The following THEM4 variants were observed in gnomAD, a reference collection of about 807,000 sequenced individuals.
THEM4 encodes the protein acyl-coenzyme A thioesterase THEM4.
THEM4 carries 22 observed loss-of-function variants against 25.0 expected under a neutral mutation model. The ratio of observed to expected loss-of-function variants is 0.88; its 90% confidence interval spans 0.63 to 1.26. The LOEUF is 1.26. Among genes scored for constraint, THEM4 ranks in the 50% most tolerant of loss-of-function variants. The pLI, the probability that THEM4 is intolerant of heterozygous loss-of-function variation, is 0.00. For missense variants in THEM4, 286 were observed against 300.3 expected, an observed-to-expected ratio of 0.95 and a Z score of 0.35; for synonymous variants, 113 against 105.6, an observed-to-expected ratio of 1.07 and a Z score of -0.43.
intron 2 of THEM4, chr1:151,891,256 G>A (rs1654085793): frequency 6.6e-6 from 1 of 152,198 alleles, no homozygotes; most frequent in African/African-American, 2.4e-5. Context: ...ACTGAAAATA[G>A]CATTGGAATA....
chr1:151,898,763 T>C (rs575448693), intron 1 of THEM4, among the ~76,000 whole-genome samples: 1 of 152,378 alleles, frequency 6.6e-6, no homozygotes, highest in African/African-American at 2.4e-5. Flanking sequence ...CACAGGACTC[T>C]GTGCAGACAA....
chr1:151,882,959 G>C (rs1653877718), intron 4 of THEM4, among the ~76,000 whole-genome samples: 7 of 151,988 alleles, frequency 4.6e-5, no homozygotes, highest in Admixed American at 4.6e-4. Flanking sequence ...TCACAGTTCT[G>C]CATGGCTGGG....
At chr1:151,880,204 G>T (rs1322772046) in intron 4 of THEM4, among the ~76,000 whole-genome samples, 1 of 151,706 alleles carries the variant, frequency 6.6e-6, no homozygotes. Context: ...AACAGGCTGG[G>T]TGCTGTGTCA....
rs1277762132 is a variant in THEM4 at position 151,909,370 on chromosome 1, C to G, written c.89G>C (p.Arg30Pro). ...GGTGCCCAGACTCACCAGCTCGGGT[C>G]GCGGCTCGCTTCCCGGCAGGCGCCG... ...VGRRLPGSEP[R>P]PELRSFSSEE... is the part of the protein sequence containing the mutation. The change falls in exon 1 of 6, where the codon CGA (arginine) becomes CCA (proline). Residue 30 changes from arginine (R) to proline (P), a missense_variant. Coordinates refer to ENST00000368814, the MANE Select transcript of THEM4 (RefSeq NM_053055.5). 1.3e-6 allele frequency: 2 copies of G among 1,509,558 alleles called. No homozygotes were observed. The highest frequency in any genetic ancestry group is 2.7e-5 in the East Asian group (1 of 36,768). 93.5% of individuals were successfully genotyped at this position (1,509,558 alleles called of 1,614,324 possible).
In THEM4 at chr1:151,874,572, A is replaced by G. The variant is rs1653629781; in HGVS notation, c.*316T>C. 2 of 323,754 alleles carry G rather than the reference A, an allele frequency of 6.2e-6. No homozygotes were observed. The highest frequency in any genetic ancestry group is 1.1e-4 in the East Asian group (2 of 17,886). 20.1% of individuals were successfully genotyped at this position (323,754 alleles called of 1,614,324 possible). A position where few individuals can be genotyped will look rare whatever the true frequency, so the allele number is the denominator to read the frequency against. On this transcript the variant is annotated 3_prime_UTR_variant, in exon 6 of 6. Coordinates refer to ENST00000368814, the MANE Select transcript of THEM4 (RefSeq NM_053055.5). ...TGTATTTTAGTAGAGACGGAGTTTC[A>G]TCGTGTTGCCCAGACTGATCTTGAA...
At chr1:151,898,122 G>T (rs1047351027) in intron 1 of THEM4, among the ~76,000 whole-genome samples, 1 of 152,188 alleles carries the variant, frequency 6.6e-6, no homozygotes, top group Non-Finnish European at 1.5e-5. Flanking sequence ...AACCCGGCTT[G>T]CAGACTTCAC....
rs771536236 is a variant in THEM4, at chr1:151,888,253, G to C, written c.557+20C>G. 3.1e-6 allele frequency: 5 copies of C among 1,588,038 alleles called. 1 individual carries two copies. The highest frequency in any genetic ancestry group is 3.9e-4 in the Middle Eastern group (2 of 5,172). The stretch of plus-strand genomic sequence containing the variant: ...ACTTAACAACACCTAAGGATAAATA[G>C]AGAATTACTGTGAATTTACCTTTTA... On this transcript the variant is annotated intron_variant, in intron 4 of 5. Transcript: ENST00000368814.
intron 2 of THEM4, among the ~76,000 whole-genome samples, chr1:151,893,732 G>A (rs1032810178): frequency 1.3e-5 from 2 of 152,114 alleles, no homozygotes; most frequent in African/African-American, 2.4e-5. Context: ...GGGTGAGAAG[G>A]GAAAGTATTA....
chr1:151,885,163 G>C (rs1653939547), intron 4 of THEM4, among the ~76,000 whole-genome samples: 1 of 150,888 alleles, frequency 6.6e-6, no homozygotes, highest in Non-Finnish European at 1.5e-5. Flanking sequence ...CTGTTGCCCA[G>C]GCTGGAGTGC....
rs185352740 is a variant in THEM4, at chr1:151,898,534, C to T, written c.100-3340G>A. On this transcript the variant is annotated intron_variant, in intron 1 of 5. Transcript: ENST00000368814. ...TAGCAGAAGACAAAGGGCATATAAT[C>T]TTGGGAGTTCTAGGGCCCCGCCCAC... Among the ~76,000 whole-genome samples the T allele has an allele frequency of 2.8e-3, 421 of 152,350 alleles. 3 individuals are homozygous for T. Among genetic ancestry groups the T allele is most frequent in the African/African-American group, 9.6e-3 (400 of 41,582 alleles).
Position 151,895,052 on chromosome 1 carries a change from C to T in THEM4, c.242G>A (p.Arg81His), listed in dbSNP as rs114800758. ...GSWKRLPSYK[R>H]TPTEWIQDFK... ...GTCTTGAATCCATTCAGTAGGTGTACGTTTATATGAAGGCAAACGTTTCCA... is the reference window on the plus strand; with the variant it reads ...GTCTTGAATCCATTCAGTAGGTGTATGTTTATATGAAGGCAAACGTTTCCA... Residue 81 changes from arginine to histidine, a missense_variant, in exon 2 of 6, where the codon CGT (arginine) becomes CAT (histidine). Transcript: ENST00000368814. The T allele has an allele frequency of 9.3e-3, 15,031 of 1,613,964 alleles. 81 individuals are homozygous for T. The highest frequency in any genetic ancestry group is 0.011 in the Non-Finnish European group (13,212 of 1,179,976).
chr1:151,894,105 C>T (rs573947204), intron 2 of THEM4, among the ~76,000 whole-genome samples: 46 of 152,190 alleles, frequency 3.0e-4, no homozygotes, highest in African/African-American at 8.9e-4. Context: ...TCAAGTGATC[C>T]GCCCGCTTCA....
chr1:151,894,802 G>A, intron 2 of THEM4: 1 of 629,750 alleles, frequency 1.6e-6, no homozygotes. Flanking sequence ...ATGCCAGGGT[G>A]GGAGCAGTCT....
chr1:151,901,661 G>C lies in THEM4; in HGVS notation c.100-6467C>G, dbSNP rs187277995. Among the ~76,000 whole-genome samples, 415 of 152,080 alleles carry C rather than the reference G, an allele frequency of 2.7e-3. 2 individuals are homozygous for C. Among genetic ancestry groups the C allele is most frequent in the African/African-American group, 9.8e-3 (405 of 41,474 alleles). On this transcript the variant is annotated intron_variant, in intron 1 of 5. Coordinates refer to ENST00000368814, the MANE Select transcript of THEM4 (RefSeq NM_053055.5). Reference sequence around the variant, plus strand: ...AGTTCGAGATCAGCCTGACTAACACGGCAAAACCCAGTCTCTACTAAAAAT... The same window carrying C: ...AGTTCGAGATCAGCCTGACTAACACCGCAAAACCCAGTCTCTACTAAAAAT...
chr1:151,885,670 A>G (rs1393264963), intron 4 of THEM4, among the ~76,000 whole-genome samples: 1 of 152,226 alleles, frequency 6.6e-6, no homozygotes, highest in Non-Finnish European at 1.5e-5. Context: ...ATGTGTCATG[A>G]ATGGGTCATT....
rs531596172 is a variant in THEM4, at chr1:151,894,407, A to G, written c.286+601T>C. Among the ~76,000 whole-genome samples, 13 of 152,338 alleles carry G rather than the reference A, an allele frequency of 8.5e-5. No homozygotes were observed. In the South Asian group the frequency reaches 1.9e-3, roughly 22 times the overall value. ...TTAATATTGGCTCATCAATTGTAAC[A>G]AATACACCACAGTAATGTGAGATGT... On this transcript the variant is annotated intron_variant, in intron 2 of 5. Coordinates refer to ENST00000368814, the MANE Select transcript of THEM4 (RefSeq NM_053055.5).
chr1:151,876,976 G>A (rs771628777), intron 5 of THEM4, 25 bp downstream of exon 5: 37 of 1,583,344 alleles, frequency 2.3e-5, no homozygotes, highest in Non-Finnish European at 3.1e-5. Context: ...TAAACCCCAA[G>A]AAAGAGATAA....
chr1:151,904,032 T>C (rs1374678336), intron 1 of THEM4, among the ~76,000 whole-genome samples: 1 of 152,160 alleles, frequency 6.6e-6, no homozygotes, highest in Non-Finnish European at 1.5e-5. Context: ...GAGAAATAGA[T>C]ACAGGCATAG....
At chr1:151,904,451 AAAG>A (rs1654414155) in intron 1 of THEM4, among the ~76,000 whole-genome samples, 1 of 152,250 alleles carries the variant, frequency 6.6e-6, no homozygotes, top group Non-Finnish European at 1.5e-5. Context: ...TAAGTTAACT[AAAG>A]AAGTGGCGTC....
Sources: allele counts gnomAD v4.1 joint callset (sites outside exome capture counted in the v4.1 genomes callset), GRCh38; gene constraint gnomAD v4.1.1; transcripts MANE v1.5; gene names NCBI Gene and HGNC (gene_info 2026-07-23, HGNC 2026-07-21).